UBASH3B: variants seen among roughly 807,000 people sequenced by gnomAD.
The protein encoded by UBASH3B is ubiquitin-associated and SH3 domain-containing protein B.
In UBASH3B, 37 loss-of-function variants were observed where a neutral mutation model predicts 83.4. The ratio of observed to expected loss-of-function variants is 0.44; its 90% CI spans 0.34 to 0.58. The LOEUF is 0.58. Ranked by LOEUF, UBASH3B falls within the 20% of genes least tolerant of loss-of-function variation. The pLI is 0.01. For missense variants in UBASH3B, 657 were observed against 827.2 expected (o/e 0.79, Z 2.52); for synonymous variants, 304 against 318.3 (o/e 0.96, Z 0.48).
intron 1 of UBASH3B, among the ~76,000 whole-genome samples, chr11:122,700,590 G>A (rs938506712): frequency 1.4e-5 from 2 of 140,326 alleles, no homozygotes; most frequent in African/African-American, 2.7e-5. Context: ...TCCACCTCCC[G>A]GGTTCAAACA....
At chr11:122,762,034 C>T (rs914089803) in intron 1 of UBASH3B, among the ~76,000 whole-genome samples, 28 of 151,926 alleles carry the variant, frequency 1.8e-4, no homozygotes, top group Admixed American at 5.2e-4. Context: ...TCAAGTGATC[C>T]GCCCACCTCC....
At chr11:122,697,312 G>A (rs1377325174) in intron 1 of UBASH3B, among the ~76,000 whole-genome samples, 1 of 152,152 alleles carries the variant, frequency 6.6e-6, no homozygotes, top group South Asian at 2.1e-4. Context: ...CTGAAGCTCA[G>A]AAATCCCAGC....
At chr11:122,724,788 A>G (rs1860702959) in intron 1 of UBASH3B, among the ~76,000 whole-genome samples, 1 of 152,102 alleles carries the variant, frequency 6.6e-6, no homozygotes, top group African/African-American at 2.4e-5. Context: ...GTGCTGCATG[A>G]AAAGGAAGTG....
intron 1 of UBASH3B, among the ~76,000 whole-genome samples, chr11:122,694,315 T>C (rs959048171): frequency 6.6e-6 from 1 of 152,146 alleles, no homozygotes; most frequent in Non-Finnish European, 1.5e-5. Context: ...GTTTTTTTAA[T>C]GGCAAGTGGT....
intron 1 of UBASH3B, among the ~76,000 whole-genome samples, chr11:122,692,758 T>C (rs1346411114): frequency 6.6e-6 from 1 of 152,222 alleles, no homozygotes; most frequent in African/African-American, 2.4e-5. Context: ...GAGTGTCAAC[T>C]AATGCCAGGT....
chr11:122,738,095 T>C (rs371676734), intron 1 of UBASH3B, among the ~76,000 whole-genome samples: 12 of 152,216 alleles, frequency 7.9e-5, no homozygotes, highest in Middle Eastern at 3.4e-3. Flanking sequence ...TAATGGGAAA[T>C]GCCGTTGAGA....
intron 1 of UBASH3B, among the ~76,000 whole-genome samples, chr11:122,723,027 A>T (rs1395410211): frequency 1.3e-5 from 2 of 152,154 alleles, no homozygotes; most frequent in Non-Finnish European, 2.9e-5. Context: ...TTCTTTCGCC[A>T]TGGGGCTATA....
chr11:122,668,233 C>T (rs1405362971), intron 1 of UBASH3B, among the ~76,000 whole-genome samples: 1 of 152,160 alleles, frequency 6.6e-6, no homozygotes, highest in East Asian at 1.9e-4. Flanking sequence ...GGTGATCCTC[C>T]CACCTCGGCC....
At chr11:122,767,169 T>A (rs1163547128) in intron 1 of UBASH3B, among the ~76,000 whole-genome samples, 4 of 151,412 alleles carry the variant, frequency 2.6e-5, no homozygotes, top group Non-Finnish European at 5.9e-5. Context: ...TCCCAGCTAC[T>A]CGGGAGGCTG....
At chr11:122,772,693 C>T (rs557125735) in intron 1 of UBASH3B, among the ~76,000 whole-genome samples, 10 of 152,150 alleles carry the variant, frequency 6.6e-5, no homozygotes, top group African/African-American at 1.4e-4. Context: ...GGAAGAATCC[C>T]GCCGGAGCAC....
chr11:122,769,506 A>C (rs1247105738), intron 1 of UBASH3B, among the ~76,000 whole-genome samples: 2 of 152,172 alleles, frequency 1.3e-5, no homozygotes, highest in Non-Finnish European at 2.9e-5. Context: ...TTCTTCTACT[A>C]GAGAAACAAA....
chr11:122,779,832 A>G, intron 4 of UBASH3B, 137 bp downstream of exon 4: 1 of 1,013,006 alleles, frequency 9.9e-7, no homozygotes, highest in Non-Finnish European at 1.4e-6. Flanking sequence ...CGTGTGACAA[A>G]AAAACAGCCT....
chr11:122,778,246 C>T (rs1430949223), intron 3 of UBASH3B, among the ~76,000 whole-genome samples: 1 of 152,096 alleles, frequency 6.6e-6, no homozygotes, highest in Middle Eastern at 3.2e-3. Context: ...AATAATGTTC[C>T]TAACACCTTC....
intron 1 of UBASH3B, among the ~76,000 whole-genome samples, chr11:122,726,832 CCT>C (rs1381614421): frequency 6.6e-6 from 1 of 152,166 alleles, no homozygotes; most frequent in Non-Finnish European, 1.5e-5. Flanking sequence ...ACTTTGTCTC[CCT>C]GTTATGTAAA....
intron 1 of UBASH3B, among the ~76,000 whole-genome samples, chr11:122,720,251 T>C (rs1860600485): frequency 6.6e-6 from 1 of 152,228 alleles, no homozygotes; most frequent in Admixed American, 6.5e-5. Flanking sequence ...GATAACTCTT[T>C]CTTCCAGATG....
intron 1 of UBASH3B, among the ~76,000 whole-genome samples, chr11:122,752,845 G>A (rs970191840): frequency 3.9e-5 from 6 of 152,060 alleles, no homozygotes; most frequent in African/African-American, 9.7e-5. Context: ...AGTGTGTTCC[G>A]TTATATTTTC....
chr11:122,693,440 T>C (rs78959744), intron 1 of UBASH3B, among the ~76,000 whole-genome samples: 1,609 of 152,264 alleles, frequency 0.011, 27 homozygotes, highest in African/African-American at 0.035. Flanking sequence ...ATCACACACC[T>C]TAAGGCTTGA....
chr11:122,725,779 C>T (rs1184065214), intron 1 of UBASH3B, among the ~76,000 whole-genome samples: 1 of 152,030 alleles, frequency 6.6e-6, no homozygotes. Context: ...CTGCAACCTC[C>T]GCCTCCCGGG....
chr11:122,759,074 G>A lies in UBASH3B; in HGVS notation c.162-17145G>A, dbSNP rs1390722619. 6.6e-6 allele frequency among the ~76,000 whole-genome samples: 1 copy of A among 152,248 alleles called. No individual in the cohort carries two copies. Among genetic ancestry groups the A allele is most frequent in the Non-Finnish European group, 1.5e-5 (1 of 68,040 alleles). On this transcript the variant is annotated intron_variant, in intron 1 of 13. Transcript: ENST00000284273. The surrounding 1 kb of genome is among the most constrained non-coding windows in gnomAD (Gnocchi z 4.1). ...CTCTGCTCAGTCTTACAAGATTGCA[G>A]TCAAGGTGTTGGCCAGGCCGTGTTC...
Sources: gnomAD v4.1 joint callset for allele counts (sites outside exome capture counted in the v4.1 genomes callset) on GRCh38, gnomAD v4.1.1 for gene constraint, Gnocchi (gnomAD v3.1) non-coding constraint, MANE v1.5 for transcripts, NCBI Gene and HGNC (gene_info 2026-07-23, HGNC 2026-07-21) for gene names.